SKOR2: variants seen among roughly 807,000 people sequenced by gnomAD.
The protein encoded by SKOR2 is LBX1 corepressor 1-like protein.
In SKOR2, 47 loss-of-function variants were observed where a neutral mutation model predicts 69.1. That is an observed-to-expected ratio of 0.68 (90% confidence interval 0.54 to 0.87). The LOEUF is 0.87. Ranked by LOEUF, SKOR2 falls within the 40% of genes least tolerant of loss-of-function variation. The pLI, the probability that SKOR2 is intolerant of heterozygous loss-of-function variation, is 0.00. For missense variants in SKOR2, 1,404 were observed against 1,472.2 expected, an observed-to-expected ratio of 0.95 and a Z score of 0.76; for synonymous variants, 717 against 672.6, an observed-to-expected ratio of 1.07 and a Z score of -1.02.
At chr18:47,208,339 G>T (rs2064118825) in intron 8 of SKOR2, among the ~76,000 whole-genome samples, 1 of 152,188 alleles carries the variant, frequency 6.6e-6, no homozygotes, top group Admixed American at 6.5e-5. Context: ...GCATTGTAAA[G>T]ATAACACAGT....
chr18:47,236,346 T>G (rs1378169035), intron 4 of SKOR2, among the ~76,000 whole-genome samples: 3 of 152,244 alleles, frequency 2.0e-5, no homozygotes, highest in Non-Finnish European at 4.4e-5. Flanking sequence ...TGCCTACAAC[T>G]GCCTTATGTC....
chr18:47,240,077 T>C (rs929150775), intron 4 of SKOR2, among the ~76,000 whole-genome samples: 9 of 152,226 alleles, frequency 5.9e-5, no homozygotes, highest in African/African-American at 2.2e-4. Context: ...TGCTTCTTAC[T>C]ATTCTCAGAA....
Position 47,248,977 on chromosome 18 carries a change from G to T in SKOR2, c.207C>A (p.Asn69Lys). 6.4e-7 allele frequency: 1 copy of T among 1,569,682 alleles called. No individual in the cohort carries two copies. The highest frequency in any genetic ancestry group is 8.6e-7 in the Non-Finnish European group (1 of 1,164,848). Reference protein sequence around the residue: ...QERLCLAQISNTLLKNFSYNE... With the variant: ...QERLCLAQISKTLLKNFSYNE... ...TGTAGCTGAAGTTCTTGAGCAGAGT[G>T]TTGGAGATCTGCGCCAGGCACAGGC... Residue 69 changes from asparagine (N) to lysine (K), a missense_variant, in exon 2 of 9, where the codon AAC becomes AAA. By Grantham distance (94) the Asn-to-Lys change is moderately conservative. Coordinates refer to ENST00000425639, the MANE Select transcript of SKOR2 (RefSeq NM_001278063.4). The surrounding 1 kb of genome is among the most constrained non-coding windows in gnomAD (Gnocchi z 6.4).
intron 4 of SKOR2, among the ~76,000 whole-genome samples, chr18:47,236,221 G>T (rs2684849): frequency 0.095 from 14,527 of 152,134 alleles, 805 homozygotes; most frequent in East Asian, 0.14. Context: ...GAACCCCTGA[G>T]CTCATGTGAT....
intron 7 of SKOR2, 111 bp from the exon 8 acceptor site, chr18:47,212,262 GAA>G: frequency 1.0e-6 from 1 of 999,890 alleles, no homozygotes; most frequent in Non-Finnish European, 1.3e-6. Flanking sequence ...GATCCTCCCT[GAA>G]AAAAAGAGGT....
chr18:47,237,475 A>G (rs1480873677), intron 4 of SKOR2, among the ~76,000 whole-genome samples: 1 of 152,226 alleles, frequency 6.6e-6, no homozygotes, highest in East Asian at 1.9e-4. Context: ...GACATGAGAG[A>G]GGAGAAGCTG....
chr18:47,245,038 C>G lies in SKOR2; in HGVS notation c.2678-56G>C, dbSNP rs1338572424. On this transcript the variant is annotated intron_variant, in intron 3 of 8. Transcript: ENST00000425639. Reference sequence around the variant, plus strand: ...AGTGATCCAACTGACAAGAGGCACACAAAGATCCAATTTTTTTTTTTTTGC... The same window carrying G: ...AGTGATCCAACTGACAAGAGGCACAGAAAGATCCAATTTTTTTTTTTTTGC... The G allele has an allele frequency of 1.1e-5, 15 of 1,427,538 alleles. No homozygotes were observed. In the African/African-American group the frequency reaches 2.2e-4, roughly 21 times the overall value. The allele number at this position is 1,427,538 out of a possible 1,614,324, so 88.4% of individuals were successfully genotyped here.
chr18:47,222,751 G>A (rs1470772803), intron 6 of SKOR2, among the ~76,000 whole-genome samples: 2 of 152,216 alleles, frequency 1.3e-5, no homozygotes, highest in Non-Finnish European at 2.9e-5. Context: ...GCCTGAAGCC[G>A]ACCAGGCTGG....
At position 47,246,927 on chromosome 18, in the gene SKOR2, C is replaced by CG; in HGVS notation, c.2256dup (p.Glu753ArgfsTer12). On this transcript the variant is annotated frameshift_variant, in exon 2 of 9. Transcript: ENST00000425639. LOFTEE classifies it high-confidence loss of function. ...CGACCTTCCTCCTCTTCCTCGCCCT[C>CG]GGGGGGCTTGTGGCCCTCCACGTCC... is the stretch of plus-strand genomic sequence containing the variant. The CG allele has an allele frequency of 2.0e-6, 3 of 1,496,190 alleles. No individual in the cohort carries two copies. Among genetic ancestry groups the CG allele is most frequent in the Admixed American group, 2.2e-5 (1 of 46,270 alleles). The allele number at this position is 1,496,190 out of a possible 1,614,324, so 92.7% of individuals were successfully genotyped here.
chr18:47,237,699 CTTT>C (rs398041372), intron 4 of SKOR2, among the ~76,000 whole-genome samples: 25 of 134,508 alleles, frequency 1.9e-4, no homozygotes, highest in Non-Finnish European at 2.6e-4. Context: ...TTTTCTTTTT[CTTT>C]TTTTTTTTTT....
Position 47,247,249 on chromosome 18 carries a change from G to T in SKOR2, c.1935C>A (p.Gly645=). The T allele has an allele frequency of 6.8e-7, 1 of 1,470,370 alleles. No homozygotes were observed. The highest frequency in any genetic ancestry group is 9.0e-7 in the Non-Finnish European group (1 of 1,115,924). 91.1% of individuals were successfully genotyped at this position (1,470,370 alleles called of 1,614,324 possible). A position where few individuals can be genotyped will look rare whatever the true frequency, so the allele number is the denominator to read the frequency against. ...GATGCGTCTGGGCCGAGTGGGGCGC[G>T]CCCGCCGACGCCCCGTGCAGCTTGG... ...SLAKLHGASA[G]APHSAQTHPH... The change falls in exon 2 of 9, where the codon GGC becomes GGA. Residue 645 remains glycine (G), a synonymous_variant. Coordinates refer to ENST00000425639, the MANE Select transcript of SKOR2 (RefSeq NM_001278063.4). The surrounding 1 kb of genome is among the most constrained non-coding windows in gnomAD (Gnocchi z 6.6).
intron 8 of SKOR2, among the ~76,000 whole-genome samples, chr18:47,208,153 G>C (rs748411661): frequency 5.3e-5 from 8 of 152,178 alleles, no homozygotes; most frequent in Non-Finnish European, 1.0e-4. Context: ...AATGGCATCA[G>C]ATCTGGCACC....
Position 47,248,397 on chromosome 18 carries a change from C to A in SKOR2, c.787G>T (p.Ala263Ser). The change falls in exon 2 of 9, where the codon GCC becomes TCC. Residue 263 changes from alanine (A) to serine (S), a missense_variant. Ala to Ser is a moderately conservative substitution (Grantham distance 99). Coordinates refer to ENST00000425639, the MANE Select transcript of SKOR2 (RefSeq NM_001278063.4). This position sits in a 1 kb window ranked among gnomAD's most constrained non-coding sequence, Gnocchi z 6.4. ...CHPLSSVKAAAVAAAAAVAGG... is the reference protein window; with the variant it reads ...CHPLSSVKAASVAAAAAVAGG... ...GCCACCGCGGCCGCGGCGGCCACGGCGGCCGCCTTCACAGAGCTGAGCGGG... is the reference window on the plus strand; with the variant it reads ...GCCACCGCGGCCGCGGCGGCCACGGAGGCCGCCTTCACAGAGCTGAGCGGG... 1 of 1,358,666 alleles carries A rather than the reference C, an allele frequency of 7.4e-7. No individual in the cohort carries two copies. The highest frequency in any genetic ancestry group is 9.4e-7 in the Non-Finnish European group (1 of 1,065,648). 84.2% of individuals were successfully genotyped at this position (1,358,666 alleles called of 1,614,324 possible).
rs905866770 is a variant in SKOR2 at position 47,246,718 on chromosome 18, T to A, written c.2466A>T (p.Glu822Asp). 9.0e-6 allele frequency: 13 copies of A among 1,446,844 alleles called. No individual in the cohort carries two copies. The African/African-American group carries it at 1.2e-4, about 13-fold the overall frequency. The allele number at this position is 1,446,844 out of a possible 1,614,324, so 89.6% of individuals were successfully genotyped here. Reference sequence around the variant, plus strand: ...AGCCGGGGTCCCCGAGTTTCCCGTCTTCCTGCAGCAGCCTGGAGGAGTTCA... The same window carrying A: ...AGCCGGGGTCCCCGAGTTTCCCGTCATCCTGCAGCAGCCTGGAGGAGTTCA... ...LGLNSSRLLQ[E>D]DGKLGDPGSD... The change falls in exon 2 of 9, where the codon GAA (glutamate) becomes GAT (aspartate). Residue 822 changes from glutamate to aspartate, a missense_variant. Physicochemically the swap from Glu to Asp is conservative, Grantham distance 45 (BLOSUM62 2). Transcript: ENST00000425639.
At chr18:47,240,388 T>C (rs904522409) in intron 4 of SKOR2, among the ~76,000 whole-genome samples, 1 of 152,360 alleles carries the variant, frequency 6.6e-6, no homozygotes, top group Admixed American at 6.5e-5. Flanking sequence ...CAATTGGAAA[T>C]ACTGTCATTT....
chr18:47,245,614 C>T (rs2064269566), intron 2 of SKOR2, 53 bp from the exon 3 acceptor site: 3 of 1,434,610 alleles, frequency 2.1e-6, no homozygotes, highest in East Asian at 2.6e-5. Context: ...AAACCATATG[C>T]TAATGTCAAC....
chr18:47,229,242 T>A (rs943885008), intron 6 of SKOR2, among the ~76,000 whole-genome samples: 1 of 152,212 alleles, frequency 6.6e-6, no homozygotes, highest in African/African-American at 2.4e-5. Context: ...ACAGGAATCA[T>A]CTGGCACAGG....
intron 6 of SKOR2, among the ~76,000 whole-genome samples, chr18:47,226,522 C>T (rs11872506): frequency 6.6e-6 from 1 of 152,118 alleles, no homozygotes; most frequent in Non-Finnish European, 1.5e-5. Flanking sequence ...CTCCTTTTTC[C>T]TTAGTATATC....
intron 4 of SKOR2, among the ~76,000 whole-genome samples, chr18:47,233,522 AT>A (rs1175874430): frequency 6.6e-6 from 1 of 152,232 alleles, no homozygotes; most frequent in African/African-American, 2.4e-5. Context: ...AAATACTGGC[AT>A]ACAATATTGA....
Sources: allele counts gnomAD v4.1 joint callset (sites outside exome capture counted in the v4.1 genomes callset), GRCh38; gene constraint gnomAD v4.1.1; non-coding constraint Gnocchi (gnomAD v3.1); transcripts MANE v1.5; gene names NCBI Gene and HGNC (gene_info 2026-07-23, HGNC 2026-07-21).